The following CCDC148 variants were observed in gnomAD, a reference collection of about 807,000 sequenced individuals.
CCDC148 encodes the protein coiled-coil domain containing 148.
Under a neutral mutation model 85.7 loss-of-function variants are expected in CCDC148, and 89 were observed. That is an observed-to-expected ratio of 1.04 (90% CI 0.87 to 1.24). The LOEUF (loss-of-function observed/expected upper bound fraction) is 1.24, where lower values mean the gene tolerates loss of function less well. CCDC148 is among the 50% of genes most tolerant of loss of function. The pLI, the probability that CCDC148 is intolerant of heterozygous loss-of-function variation, is 0.00. For missense variants in CCDC148, 692 were observed against 671.7 expected (o/e 1.03, Z -0.33); for synonymous variants, 230 against 213.9 (o/e 1.08, Z -0.66).
intron 2 of CCDC148, among the ~76,000 whole-genome samples, chr2:158,351,909 TCCCTGAC>T (rs1160259588): frequency 4.1e-5 from 6 of 147,410 alleles, no homozygotes; most frequent in Admixed American, 6.7e-5. Flanking sequence ...CTCAAGTGGG[TCCCTGAC>T]CCCTGACCCC....
chr2:158,310,566 A>C lies in CCDC148; in HGVS notation c.904-927T>G, dbSNP rs1031629857. ...TAGAGGCGCCCCCCACCTCCCAGAC[A>C]GGGCGGCTGCCGGGCGGAGGGGCTC... is the stretch of plus-strand genomic sequence containing the variant. On this transcript the variant is annotated intron_variant, in intron 8 of 13. Transcript: ENST00000283233. 5.3e-5 allele frequency among the ~76,000 whole-genome samples: 8 copies of C among 150,750 alleles called. No homozygotes were observed. The East Asian group carries it at 1.6e-3, about 30-fold the overall frequency.
chr2:158,179,308 G>T (rs1425492318), intron 11 of CCDC148, among the ~76,000 whole-genome samples: 2 of 149,860 alleles, frequency 1.3e-5, no homozygotes, highest in African/African-American at 4.9e-5. Context: ...ACAGGTACCC[G>T]CCACCATGCC....
At chr2:158,239,674 A>C (rs1234089520) in intron 10 of CCDC148, among the ~76,000 whole-genome samples, 2 of 152,108 alleles carry the variant, frequency 1.3e-5, no homozygotes, top group African/African-American at 2.4e-5. Context: ...AACATTTAAA[A>C]ATTAGATGAT....
At chr2:158,396,860 C>A (rs142700567) in intron 1 of CCDC148, among the ~76,000 whole-genome samples, 1 of 152,120 alleles carries the variant, frequency 6.6e-6, no homozygotes, top group African/African-American at 2.4e-5. Flanking sequence ...AGTAGCACTA[C>A]CAAAATTACT....
At chr2:158,419,349 T>C (rs976360594) in intron 1 of CCDC148, among the ~76,000 whole-genome samples, 1 of 152,170 alleles carries the variant, frequency 6.6e-6, no homozygotes, top group Non-Finnish European at 1.5e-5. Flanking sequence ...TACAAGATAA[T>C]TTTGTGATTG....
At chr2:158,402,400 A>G (rs1459733716) in intron 1 of CCDC148, among the ~76,000 whole-genome samples, 1 of 150,364 alleles carries the variant, frequency 6.7e-6, no homozygotes, top group East Asian at 2.0e-4. Flanking sequence ...TTCGTAATGC[A>G]GATTGGCTTT....
intron 10 of CCDC148, among the ~76,000 whole-genome samples, chr2:158,232,889 AG>A (rs1204810049): frequency 1.3e-5 from 2 of 152,152 alleles, no homozygotes; most frequent in Non-Finnish European, 2.9e-5. Flanking sequence ...GATGAAGAGA[AG>A]TTGTTTCATG....
rs147504437 is a variant in CCDC148 at position 158,191,783 on chromosome 2, C to T, written c.1371-12787G>A. 7.9e-3 allele frequency among the ~76,000 whole-genome samples: 1,198 copies of T among 152,036 alleles called. 10 individuals carry two copies. Among genetic ancestry groups the T allele is most frequent in the African/African-American group, 0.028 (1,150 of 41,478 alleles). ...GAATTCAGCTTTTGGAATTGAGCTCCGGAATCACTGTTCCTTTTTTTTCTT... is the reference window on the plus strand; with the variant it reads ...GAATTCAGCTTTTGGAATTGAGCTCTGGAATCACTGTTCCTTTTTTTTCTT... On this transcript the variant is annotated intron_variant, in intron 11 of 13. Transcript: ENST00000283233.
intron 1 of CCDC148, among the ~76,000 whole-genome samples, chr2:158,455,749 T>C (rs566745228): frequency 7.7e-4 from 118 of 152,330 alleles, no homozygotes; most frequent in Non-Finnish European, 1.3e-3. Context: ...AATATGTTCA[T>C]GAAATCTCAC....
intron 10 of CCDC148, among the ~76,000 whole-genome samples, chr2:158,248,522 T>C (rs7574765): frequency 0.33 from 49,381 of 151,712 alleles, 9,832 homozygotes; most frequent in South Asian, 0.59. Context: ...TCCCAAAGCA[T>C]TGTAATGTCC....
intron 7 of CCDC148, among the ~76,000 whole-genome samples, chr2:158,321,446 C>T (rs888919873): frequency 6.6e-6 from 1 of 152,134 alleles, no homozygotes; most frequent in East Asian, 1.9e-4. Context: ...CCTTATTAAT[C>T]ACCCTTGGCA....
At chr2:158,297,602 T>C (rs1691251405) in intron 9 of CCDC148, among the ~76,000 whole-genome samples, 1 of 152,180 alleles carries the variant, frequency 6.6e-6, no homozygotes, top group Non-Finnish European at 1.5e-5. Flanking sequence ...TGTCAGAGTT[T>C]TTAGTTGCAC....
intron 7 of CCDC148, among the ~76,000 whole-genome samples, chr2:158,319,772 A>G (rs1692440556): frequency 6.6e-6 from 1 of 152,184 alleles, no homozygotes; most frequent in African/African-American, 2.4e-5. Context: ...GGATGTAGAG[A>G]TGAAAGAGAT....
intron 8 of CCDC148, among the ~76,000 whole-genome samples, chr2:158,310,766 G>T (rs1208262374): frequency 1.5e-4 from 23 of 148,622 alleles, no homozygotes; most frequent in Non-Finnish European, 3.4e-4. Context: ...AGACAGGGCG[G>T]CCGGGCAGAG....
intron 11 of CCDC148, 114 bp from the exon 12 acceptor site, chr2:158,179,110 T>G (rs1684743598): frequency 1.6e-6 from 1 of 624,870 alleles, no homozygotes. Context: ...TGTCACATTT[T>G]TTTTTTTACT....
intron 10 of CCDC148, among the ~76,000 whole-genome samples, chr2:158,222,470 T>TCTC (rs1553483757): frequency 1.8e-4 from 26 of 148,242 alleles, no homozygotes; most frequent in Non-Finnish European, 2.2e-4. Flanking sequence ...CTCTCTCTCT[T>TCTC]TCTCTCTCTC....
intron 9 of CCDC148, among the ~76,000 whole-genome samples, chr2:158,267,660 A>G (rs2105159224): frequency 6.6e-6 from 1 of 152,324 alleles, no homozygotes; most frequent in South Asian, 2.1e-4. Flanking sequence ...ATTGATCTCT[A>G]AAAGAATTTA....
chr2:158,204,701 C>T (rs1197185549), intron 11 of CCDC148, among the ~76,000 whole-genome samples: 2 of 150,506 alleles, frequency 1.3e-5, no homozygotes. Context: ...AAACCATCCT[C>T]TCCACGCCCT....
intron 9 of CCDC148, among the ~76,000 whole-genome samples, chr2:158,302,899 G>A (rs1382039616): frequency 2.0e-5 from 3 of 151,558 alleles, no homozygotes; most frequent in Non-Finnish European, 4.4e-5. Flanking sequence ...GGCAGTAGTC[G>A]GGGAAAACTT....
Sources: gnomAD v4.1 joint callset for allele counts (sites outside exome capture counted in the v4.1 genomes callset) on GRCh38, gnomAD v4.1.1 for gene constraint, MANE v1.5 for transcripts, NCBI Gene and HGNC (gene_info 2026-07-23, HGNC 2026-07-21) for gene names.